The following VPS13B variants were observed in gnomAD, a reference collection of about 807,000 sequenced individuals.
VPS13B encodes the protein intermembrane lipid transfer protein VPS13B.
A neutral mutation model predicts 426.4 loss-of-function variants in VPS13B; 285 were observed. That is an observed-to-expected ratio of 0.67 (90% CI 0.61 to 0.74). The LOEUF (loss-of-function observed/expected upper bound fraction) is 0.74, where lower values mean the gene tolerates loss of function less well. Among genes scored for constraint, VPS13B ranks in the 30% least tolerant of loss-of-function variants. The pLI, the probability that VPS13B is intolerant of heterozygous loss-of-function variation, is 0.00. For synonymous variants in VPS13B, 1,676 were observed against 1,676.4 expected (o/e 1.00, Z 0.01); for missense variants, 4,537 against 4,782.6 (o/e 0.95, Z 1.51).
chr8:99,632,321 GTCT>G (rs941658893), intron 33 of VPS13B, among the ~76,000 whole-genome samples: 1 of 151,916 alleles, frequency 6.6e-6, no homozygotes, highest in African/African-American at 2.4e-5. Flanking sequence ...GAGGAAGAAT[GTCT>G]TCTTTTTAAC....
chr8:99,620,477 C>T (rs1338985359), intron 33 of VPS13B, among the ~76,000 whole-genome samples: 2 of 151,996 alleles, frequency 1.3e-5, no homozygotes, highest in Non-Finnish European at 2.9e-5. Flanking sequence ...TGGAGTTAGC[C>T]ACTGAGAAAT....
chr8:99,835,431 A>G, intron 53 of VPS13B, 107 bp downstream of exon 53: 4 of 1,493,218 alleles, frequency 2.7e-6, no homozygotes, highest in Admixed American at 3.7e-5. Context: ...TTTAAATAAA[A>G]GCATTAATGA....
At chr8:99,095,262 C>T (rs1846359525) in intron 3 of VPS13B, among the ~76,000 whole-genome samples, 1 of 152,164 alleles carries the variant, frequency 6.6e-6, no homozygotes, top group African/African-American at 2.4e-5. Flanking sequence ...TTAACATTAC[C>T]CCATTTTTAT....
At chr8:99,514,082 A>G (rs1302145499) in intron 29 of VPS13B, among the ~76,000 whole-genome samples, 1 of 152,142 alleles carries the variant, frequency 6.6e-6, no homozygotes, top group East Asian at 1.9e-4. Context: ...TCTTTGACTC[A>G]AATTTTTGTG....
At chr8:99,065,011 C>T (rs1196623671) in intron 3 of VPS13B, among the ~76,000 whole-genome samples, 4 of 152,088 alleles carry the variant, frequency 2.6e-5, no homozygotes, top group Non-Finnish European at 4.4e-5. Flanking sequence ...CCAAACTAAG[C>T]TTGATAAGTG....
intron 19 of VPS13B, among the ~76,000 whole-genome samples, chr8:99,361,621 C>T (rs1812561817): frequency 6.6e-6 from 1 of 152,150 alleles, no homozygotes; most frequent in Non-Finnish European, 1.5e-5. Context: ...AGAGCACTGT[C>T]TCTCCTTGCG....
At chr8:99,500,423 A>C (rs559120823) in intron 25 of VPS13B, among the ~76,000 whole-genome samples, 41 of 152,278 alleles carry the variant, frequency 2.7e-4, no homozygotes, top group African/African-American at 9.6e-4. Context: ...ACAATTTATG[A>C]ACTATTTTCT....
intron 3 of VPS13B, among the ~76,000 whole-genome samples, chr8:99,090,302 C>T (rs952775871): frequency 6.8e-6 from 1 of 146,720 alleles, no homozygotes; most frequent in Non-Finnish European, 1.5e-5. Flanking sequence ...GAGTCTCTCT[C>T]TGTCACCCAG....
intron 19 of VPS13B, among the ~76,000 whole-genome samples, chr8:99,287,815 A>G (rs1819526900): frequency 6.6e-6 from 1 of 151,968 alleles, no homozygotes; most frequent in Non-Finnish European, 1.5e-5. Context: ...AAATGATAAA[A>G]CAAAGCTGAG....
At chr8:99,168,275 A>T (rs1812129297) in intron 15 of VPS13B, among the ~76,000 whole-genome samples, 1 of 152,064 alleles carries the variant, frequency 6.6e-6, no homozygotes, top group Non-Finnish European at 1.5e-5. Flanking sequence ...AAAATGACAG[A>T]ATAGTATGTA....
At chr8:99,755,988 T>A (rs1246879139) in intron 39 of VPS13B, among the ~76,000 whole-genome samples, 1 of 151,968 alleles carries the variant, frequency 6.6e-6, no homozygotes, top group Non-Finnish European at 1.5e-5. Context: ...AAAAAAGCGA[T>A]CAATAGAAAT....
At chr8:99,303,631 A>G (rs977302859) in intron 19 of VPS13B, among the ~76,000 whole-genome samples, 1 of 145,920 alleles carries the variant, frequency 6.9e-6, no homozygotes, top group South Asian at 2.3e-4. Context: ...CCAGAGGCTA[A>G]GACAGGAGAA....
chr8:99,678,709 T>C (rs1458643189), intron 35 of VPS13B, among the ~76,000 whole-genome samples: 2 of 152,166 alleles, frequency 1.3e-5, no homozygotes, highest in Non-Finnish European at 2.9e-5. Flanking sequence ...AGGTTGTAAA[T>C]AGTAATATTC....
chr8:99,460,001 A>G (rs1212465282), intron 23 of VPS13B, among the ~76,000 whole-genome samples: 4 of 152,072 alleles, frequency 2.6e-5, no homozygotes, highest in African/African-American at 2.4e-5. Flanking sequence ...TTTGAATGAA[A>G]GTGTTTCTAG....
At chr8:99,665,325 A>G (rs1830440853) in intron 35 of VPS13B, among the ~76,000 whole-genome samples, 1 of 152,132 alleles carries the variant, frequency 6.6e-6, no homozygotes, top group Non-Finnish European at 1.5e-5. Flanking sequence ...TAGTTTAATT[A>G]GATCCCATTT....
intron 30 of VPS13B, among the ~76,000 whole-genome samples, chr8:99,523,637 A>G (rs1000733599): frequency 4.6e-5 from 7 of 152,214 alleles, no homozygotes; most frequent in African/African-American, 1.7e-4. Context: ...TGGCACCTGT[A>G]CAAGTCTGCA....
chr8:99,057,259 T>C (rs891162311), intron 3 of VPS13B, among the ~76,000 whole-genome samples: 1 of 152,132 alleles, frequency 6.6e-6, no homozygotes, highest in African/African-American at 2.4e-5. Context: ...TTATACCTCA[T>C]GGATTCTGCC....
At chr8:99,862,251 C>T (rs186974052) in intron 58 of VPS13B, among the ~76,000 whole-genome samples, 1 of 152,378 alleles carries the variant, frequency 6.6e-6, no homozygotes, top group Non-Finnish European at 1.5e-5. Context: ...ACAGCAGCAT[C>T]CAGCTGTTGG....
intron 14 of VPS13B, among the ~76,000 whole-genome samples, chr8:99,153,832 C>T (rs575891379): frequency 4.4e-4 from 66 of 150,652 alleles, no homozygotes; most frequent in East Asian, 7.7e-4. Context: ...CATTTTTCTT[C>T]TCTCTGAAGA....
Sources: gnomAD v4.1 joint callset for allele counts (sites outside exome capture counted in the v4.1 genomes callset) on GRCh38, gnomAD v4.1.1 for gene constraint, MANE v1.5 for transcripts, NCBI Gene and HGNC (gene_info 2026-07-23, HGNC 2026-07-21) for gene names.